The following JMY variants were observed in gnomAD, a reference collection of about 807,000 sequenced individuals.
JMY encodes the protein junction mediating and regulatory protein, p53 cofactor.
Under a neutral mutation model 103.3 loss-of-function variants are expected in JMY, and 46 were observed. That is an observed-to-expected ratio of 0.45 (90% confidence interval 0.35 to 0.57). The LOEUF (loss-of-function observed/expected upper bound fraction) is 0.57. Ranked by LOEUF, JMY falls within the 20% of genes least tolerant of loss-of-function variation. The pLI, the probability that JMY is intolerant of heterozygous loss-of-function variation, is 0.00. For missense variants in JMY, 1,238 were observed against 1,255.2 expected (o/e 0.99, Z 0.21); for synonymous variants, 526 against 489.3 (o/e 1.07, Z -0.99).
intron 7 of JMY, 138 bp from the exon 8 acceptor site, chr5:79,312,265 A>G (rs938560764): frequency 3.1e-5 from 14 of 453,138 alleles, no homozygotes; most frequent in African/African-American, 1.6e-4. Context: ...AAAATATTTC[A>G]TGTTTCATGA....
rs1193621930 is a variant in JMY, at chr5:79,321,955, A to T, written c.*353A>T. 3 of 152,192 alleles carry T rather than the reference A, an allele frequency of 2.0e-5. No individual in the cohort carries two copies. In the East Asian group the frequency reaches 5.8e-4, roughly 29 times the overall value. 9.4% of individuals were successfully genotyped at this position (152,192 alleles called of 1,614,324 possible). On this transcript the variant is annotated 3_prime_UTR_variant, in exon 11 of 11. Coordinates refer to ENST00000396137, the MANE Select transcript of JMY (RefSeq NM_152405.5). ...TTGGAAGAACACTGGGTTGACAGAG[A>T]TCTACTGTGAGCTGTATTGGGACTG...
chr5:79,272,161 T>C (rs1033707871), intron 1 of JMY, among the ~76,000 whole-genome samples: 18 of 151,944 alleles, frequency 1.2e-4, no homozygotes, highest in African/African-American at 4.1e-4. Context: ...TAATACTCTA[T>C]ATCTTACAGT....
intron 6 of JMY, among the ~76,000 whole-genome samples, chr5:79,301,393 C>T (rs1408338039): frequency 6.6e-6 from 1 of 152,186 alleles, no homozygotes; most frequent in Non-Finnish European, 1.5e-5. Flanking sequence ...AACTAGCTCT[C>T]CAACCTAGAC....
At chr5:79,297,464 C>T (rs1561309107) in intron 4 of JMY, among the ~76,000 whole-genome samples, 1 of 152,236 alleles carries the variant, frequency 6.6e-6, no homozygotes, top group East Asian at 1.9e-4. Flanking sequence ...CAGGAAAACT[C>T]AGTCTGGAAA....
intron 6 of JMY, among the ~76,000 whole-genome samples, chr5:79,305,693 T>C (rs1390941201): frequency 6.6e-6 from 1 of 152,150 alleles, no homozygotes; most frequent in Non-Finnish European, 1.5e-5. Context: ...TTTTTCATAG[T>C]TTCTAAATAA....
At chr5:79,261,915 A>G (rs1007715337) in intron 1 of JMY, among the ~76,000 whole-genome samples, 2 of 152,216 alleles carry the variant, frequency 1.3e-5, no homozygotes, top group Admixed American at 1.3e-4. Flanking sequence ...GTGAGCCACC[A>G]TGCCCAACCT....
intron 4 of JMY, 22 bp from the exon 5 acceptor site, chr5:79,300,131 T>C: frequency 6.2e-7 from 1 of 1,610,138 alleles, no homozygotes; most frequent in Non-Finnish European, 8.5e-7. Context: ...TAGAAATTTT[T>C]TAATTTGTAT....
At chr5:79,275,689 C>T (rs1404863419) in intron 1 of JMY, among the ~76,000 whole-genome samples, 3 of 152,166 alleles carry the variant, frequency 2.0e-5, no homozygotes, top group Non-Finnish European at 4.4e-5. Context: ...GCAAAAGTTG[C>T]TCTGATAGAA....
intron 1 of JMY, among the ~76,000 whole-genome samples, chr5:79,250,601 T>G (rs1461334332): frequency 6.6e-6 from 1 of 151,958 alleles, no homozygotes; most frequent in East Asian, 1.9e-4. Flanking sequence ...AATTGTTTAT[T>G]TAATAAATAG....
chr5:79,260,670 C>T (rs550328251), intron 1 of JMY, among the ~76,000 whole-genome samples: 1 of 151,918 alleles, frequency 6.6e-6, no homozygotes, highest in East Asian at 1.9e-4. Flanking sequence ...GGATTGCAGG[C>T]ATGAGCGACC....
chr5:79,315,890 G>C, intron 9 of JMY, 110 bp from the exon 10 acceptor site: 2 of 837,282 alleles, frequency 2.4e-6, no homozygotes, highest in Middle Eastern at 3.1e-4. Flanking sequence ...TTTTGAAGAT[G>C]GTGTTTCAGC....
At chr5:79,253,979 G>C (rs1745165924) in intron 1 of JMY, among the ~76,000 whole-genome samples, 1 of 140,662 alleles carries the variant, frequency 7.1e-6, no homozygotes, top group Non-Finnish European at 1.5e-5. Context: ...ACAGAGTCTT[G>C]CTCTGTCACA....
chr5:79,250,152 G>T (rs1361357586), intron 1 of JMY, among the ~76,000 whole-genome samples: 1 of 152,124 alleles, frequency 6.6e-6, no homozygotes, highest in Admixed American at 6.5e-5. Flanking sequence ...AAACTTGTTT[G>T]TACTAAAAAC....
intron 2 of JMY, among the ~76,000 whole-genome samples, chr5:79,283,543 C>A (rs750962030): frequency 6.6e-6 from 1 of 152,142 alleles, no homozygotes; most frequent in Non-Finnish European, 1.5e-5. Flanking sequence ...GCCTACCCAG[C>A]ATTATTTTAG....
chr5:79,245,291 T>C (rs543477709), intron 1 of JMY, among the ~76,000 whole-genome samples: 1 of 152,304 alleles, frequency 6.6e-6, no homozygotes, highest in African/African-American at 2.4e-5. Flanking sequence ...GAAAATGCAG[T>C]GATGAACACT....
rs144395261 is a variant in JMY, at chr5:79,317,037, G to A, written c.*3+727G>A. Reference sequence around the variant, plus strand: ...GGCCTGGGCAATATAGCAATACCCCGTCTGTAAAAAGAAATCAATACGTCA... The same window carrying A: ...GGCCTGGGCAATATAGCAATACCCCATCTGTAAAAAGAAATCAATACGTCA... On this transcript the variant is annotated intron_variant, in intron 10 of 10. Coordinates refer to ENST00000396137, the MANE Select transcript of JMY (RefSeq NM_152405.5). 2.2e-3 allele frequency among the ~76,000 whole-genome samples: 331 copies of A among 150,454 alleles called. 2 individuals carry two copies. The highest frequency in any genetic ancestry group is 7.6e-3 in the African/African-American group (313 of 41,016).
chr5:79,245,713 C>T (rs1744879968), intron 1 of JMY, among the ~76,000 whole-genome samples: 3 of 152,148 alleles, frequency 2.0e-5, no homozygotes, highest in Non-Finnish European at 4.4e-5. Context: ...GCAACCTCCG[C>T]CTCCCAGGTT....
intron 9 of JMY, among the ~76,000 whole-genome samples, chr5:79,315,150 G>C (rs1054999644): frequency 6.6e-6 from 1 of 151,970 alleles, no homozygotes; most frequent in African/African-American, 2.4e-5. Context: ...TTTTAAACCT[G>C]AGATTTTTAA....
At chr5:79,261,538 A>C (rs1275332636) in intron 1 of JMY, among the ~76,000 whole-genome samples, 2 of 152,082 alleles carry the variant, frequency 1.3e-5, no homozygotes, top group East Asian at 3.9e-4. Context: ...GCATGGGTGA[A>C]AAAGCGAGAG....
Sources: gnomAD v4.1 joint callset for allele counts (sites outside exome capture counted in the v4.1 genomes callset) on GRCh38, gnomAD v4.1.1 for gene constraint, MANE v1.5 for transcripts, NCBI Gene and HGNC (gene_info 2026-07-23, HGNC 2026-07-21) for gene names.